CACNA1E: variants seen among roughly 807,000 people sequenced by gnomAD.
The protein encoded by CACNA1E is calcium voltage-gated channel subunit alpha1 E.
In CACNA1E, 40 loss-of-function variants were observed where a neutral mutation model predicts 259.2. That is an observed-to-expected ratio of 0.15 (90% CI 0.12 to 0.20). CACNA1E has a LOEUF of 0.20. CACNA1E is among the 10% of genes least tolerant of loss of function. The pLI is 1.00. For synonymous variants in CACNA1E, 1,104 were observed against 1,138.5 expected (o/e 0.97, Z 0.61); for missense variants, 1,874 against 3,040.1 (o/e 0.62, Z 9.02).
rs1455286380 is a variant in CACNA1E, at chr1:181,752,206, A to G, written c.3795A>G (p.Pro1265=). The G allele has an allele frequency of 1.2e-6, 2 of 1,613,948 alleles. No homozygotes were observed. The highest frequency in any genetic ancestry group is 2.2e-5 in the South Asian group (2 of 91,078). ...KSLRVLRVLR[P]LKTIKRLPKL... is the part of the protein sequence containing the mutation. The stretch of plus-strand genomic sequence containing the variant: ...TGCGGGTGCTCCGAGTTCTAAGGCC[A>G]CTGAAAACCATCAAGCGCTTGCCCA... The change falls in exon 27 of 48, where the codon CCA becomes CCG. Residue 1265 remains proline (P), a synonymous_variant. Transcript: ENST00000367573.
chr1:181,627,793 A>T (rs201547736), intron 6 of CACNA1E, among the ~76,000 whole-genome samples: 51 of 152,174 alleles, frequency 3.4e-4, no homozygotes, highest in Non-Finnish European at 6.5e-4. Context: ...TAGAATTGTG[A>T]TACAATAATC....
At chr1:181,642,361 G>A (rs1416973278) in intron 6 of CACNA1E, among the ~76,000 whole-genome samples, 1 of 152,164 alleles carries the variant, frequency 6.6e-6, no homozygotes, top group Non-Finnish European at 1.5e-5. Flanking sequence ...AGCAATAAAT[G>A]ATGGCGACCA....
chr1:181,775,018 TC>T (rs1659853813), intron 37 of CACNA1E, among the ~76,000 whole-genome samples: 1 of 152,244 alleles, frequency 6.6e-6, no homozygotes, highest in East Asian at 1.9e-4. Context: ...TTTACAGATC[TC>T]TGCCTCCACC....
intron 1 of CACNA1E, among the ~76,000 whole-genome samples, chr1:181,490,129 A>G (rs570794013): frequency 1.3e-5 from 2 of 152,284 alleles, no homozygotes; most frequent in South Asian, 4.1e-4. Context: ...GTTTCCTTAT[A>G]AAGCTTGACG....
At chr1:181,446,446 C>T (rs1337556261) in intron 2 of CACNA1E, among the ~76,000 whole-genome samples, 1 of 152,180 alleles carries the variant, frequency 6.6e-6, no homozygotes, top group Non-Finnish European at 1.5e-5. Flanking sequence ...ATTACAGGGG[C>T]TATGGACTCT....
intron 7 of CACNA1E, among the ~76,000 whole-genome samples, chr1:181,667,498 T>C (rs1292996025): frequency 6.6e-6 from 1 of 152,106 alleles, no homozygotes; most frequent in Non-Finnish European, 1.5e-5. Flanking sequence ...CCTGGACAAG[T>C]AGATAGGATC....
intron 1 of CACNA1E, among the ~76,000 whole-genome samples, chr1:181,501,652 C>A (rs1461575621): frequency 1.3e-5 from 2 of 152,054 alleles, no homozygotes; most frequent in Non-Finnish European, 2.9e-5. Context: ...CTTTATTTGT[C>A]TTTCATTCAT....
intron 1 of CACNA1E, among the ~76,000 whole-genome samples, chr1:181,503,657 A>G (rs1665457312): frequency 6.6e-6 from 1 of 152,218 alleles, no homozygotes; most frequent in Non-Finnish European, 1.5e-5. Context: ...AGATGCTGAA[A>G]GATTGAGTTA....
At chr1:181,547,690 T>A (rs1647643267) in intron 3 of CACNA1E, among the ~76,000 whole-genome samples, 1 of 152,240 alleles carries the variant, frequency 6.6e-6, no homozygotes, top group Non-Finnish European at 1.5e-5. Flanking sequence ...GCGGCGGAGA[T>A]GCAGTGGGAG....
chr1:181,535,990 A>G (rs927438736), intron 3 of CACNA1E, among the ~76,000 whole-genome samples: 2 of 152,188 alleles, frequency 1.3e-5, no homozygotes, highest in Non-Finnish European at 2.9e-5. Context: ...CCTGGCCAAC[A>G]TGATTATTTC....
rs1302635466 is a variant in CACNA1E, at chr1:181,485,065, C to T, written c.266+1055C>T. 6.6e-6 allele frequency among the ~76,000 whole-genome samples: 1 copy of T among 152,160 alleles called. No homozygotes were observed. Among genetic ancestry groups the T allele is most frequent in the African/African-American group, 2.4e-5 (1 of 41,434 alleles). On this transcript the variant is annotated intron_variant, in intron 1 of 47. Transcript: ENST00000367573. This position sits in a 1 kb window ranked among gnomAD's most constrained non-coding sequence, Gnocchi z 4.2. ...CCATTGGGAATTGGGGGTGGTGAGG[C>T]AGTGAAGGGGATTAGTAGGAGGCAA... is the stretch of plus-strand genomic sequence containing the variant.
intron 32 of CACNA1E, among the ~76,000 whole-genome samples, chr1:181,761,791 A>G (rs1658602329): frequency 6.6e-6 from 1 of 152,194 alleles, no homozygotes; most frequent in Non-Finnish European, 1.5e-5. Flanking sequence ...TGAGCCTAGG[A>G]GATGGATGCA....
At chr1:181,368,278 C>T (rs545991183) in intron 1 of CACNA1E, among the ~76,000 whole-genome samples, 136 of 92,962 alleles carry the variant, frequency 1.5e-3, no homozygotes, top group African/African-American at 5.0e-3. Flanking sequence ...GAGAAAGAGA[C>T]TCTGTCTAAA....
chr1:181,539,555 G>C (rs538150327), intron 3 of CACNA1E, among the ~76,000 whole-genome samples: 44 of 152,060 alleles, frequency 2.9e-4, no homozygotes, highest in Non-Finnish European at 3.2e-4. Flanking sequence ...TATTATTCCC[G>C]GTCTGCTTAC....
intron 5 of CACNA1E, 46 bp from the exon 6 acceptor site, chr1:181,580,549 C>T (rs371506338): frequency 1.2e-5 from 19 of 1,575,720 alleles, no homozygotes; most frequent in African/African-American, 2.7e-5. Flanking sequence ...CCAGCTCATG[C>T]GAAACACCAT....
intron 7 of CACNA1E, among the ~76,000 whole-genome samples, chr1:181,703,314 C>A (rs528303901): frequency 6.6e-6 from 1 of 152,154 alleles, no homozygotes; most frequent in African/African-American, 2.4e-5. Context: ...TCACAACAAC[C>A]TTTTGAGATA....
chr1:181,577,839 C>A lies in CACNA1E; in HGVS notation c.586C>A (p.Arg196=). The A allele has an allele frequency of 2.5e-6, 4 of 1,611,020 alleles. No homozygotes were observed. The highest frequency in any genetic ancestry group is 3.4e-6 in the Non-Finnish European group (4 of 1,178,486). The part of the protein sequence containing the change: ...LRTLRAVRVL[R]PLKLVSGIPS... ...GACCCTCCGGGCTGTGCGTGTCCTG[C>A]GGCCTTTGAAGCTCGTGTCAGGGAT... is the stretch of plus-strand genomic sequence containing the variant. Residue 196 remains arginine (R), a synonymous_variant, in exon 4 of 48, where the codon CGG becomes AGG. Coordinates refer to ENST00000367573, the MANE Select transcript of CACNA1E (RefSeq NM_001205293.3).
At chr1:181,724,353 TC>T (rs1304376941) in intron 16 of CACNA1E, 116 bp from the exon 17 acceptor site, 2 of 743,546 alleles carry the variant, frequency 2.7e-6, no homozygotes, top group Non-Finnish European at 4.7e-6. Context: ...AAGTGACTCT[TC>T]AGGGTAGCTT....
At chr1:181,706,618 C>T (rs1003369050) in intron 7 of CACNA1E, among the ~76,000 whole-genome samples, 1 of 152,110 alleles carries the variant, frequency 6.6e-6, no homozygotes, top group African/African-American at 2.4e-5. Flanking sequence ...AAGGATAGTC[C>T]CTTAAAGAAA....
Sources: gnomAD v4.1 joint callset for allele counts (sites outside exome capture counted in the v4.1 genomes callset) on GRCh38, gnomAD v4.1.1 for gene constraint, Gnocchi (gnomAD v3.1) non-coding constraint, MANE v1.5 for transcripts, NCBI Gene and HGNC (gene_info 2026-07-23, HGNC 2026-07-21) for gene names.